Variants in ASL observed in about 807,000 individuals in gnomAD.
The protein encoded by ASL is argininosuccinase.
Under a neutral mutation model 69.1 loss-of-function variants are expected in ASL, and 51 were observed. That is an observed-to-expected ratio of 0.74 (90% CI 0.59 to 0.93). The LOEUF (loss-of-function observed/expected upper bound fraction) is 0.93, where lower values mean the gene tolerates loss of function less well. Among genes scored for constraint, ASL ranks in the 40% least tolerant of loss-of-function variants. The pLI is 0.00. For synonymous variants in ASL, 241 were observed against 247.6 expected (o/e 0.97, Z 0.25); for missense variants, 540 against 623.9 (o/e 0.87, Z 1.43).
At chr7:66,088,740 TG>T (rs1394090810) in intron 10 of ASL, 66 bp from the exon 11 acceptor site, 3 of 1,393,596 alleles carry the variant, frequency 2.2e-6, no homozygotes. Context: ...AACCTCCTCC[TG>T]CCCCCTGTAT....
Position 66,084,142 on chromosome 7 carries a change from TTTG to T in ASL, c.446+980_446+982del, listed in dbSNP as rs1293694295. Among the ~76,000 whole-genome samples the T allele has an allele frequency of 2.6e-5, 4 of 151,802 alleles. No homozygotes were observed. In the East Asian group the frequency reaches 7.7e-4, roughly 29 times the overall value. On this transcript the variant is annotated intron_variant, in intron 6 of 16. Coordinates refer to ENST00000304874, the MANE Select transcript of ASL (RefSeq NM_000048.4). ...ACTGAGTTCAGGGTTTCTTTAATTT[TTTG>T]TTGTTGTTGTTTGTTGTTGTTTTTT...
chr7:66,082,408 C>T lies in ASL; in HGVS notation c.248C>T (p.Ser83Phe). The change falls in exon 4 of 17, where the codon TCC becomes TTC. Residue 83 changes from serine (S) to phenylalanine (F), a missense_variant. Coordinates refer to ENST00000304874, the MANE Select transcript of ASL (RefSeq NM_000048.4). ...EWAQGTFKLN[S>F]NDEDIHTANE... is the part of the protein sequence containing the mutation. ...GCCCAGGGCACCTTCAAACTGAACTCCAATGATGAGGACATCCACACAGCC... is the reference window on the plus strand; with the variant it reads ...GCCCAGGGCACCTTCAAACTGAACTTCAATGATGAGGACATCCACACAGCC... 6.2e-7 allele frequency: 1 copy of T among 1,612,646 alleles called. No individual in the cohort carries two copies. Among genetic ancestry groups the T allele is most frequent in the Non-Finnish European group, 8.5e-7 (1 of 1,179,772 alleles).
chr7:66,078,626 CTT>C (rs1471228269), intron 2 of ASL, among the ~76,000 whole-genome samples: 2 of 151,132 alleles, frequency 1.3e-5, no homozygotes, highest in Non-Finnish European at 2.9e-5. Context: ...TTATCCTTAT[CTT>C]ATTATTATTA....
chr7:66,090,926 C>T (rs1355432714), intron 14 of ASL, among the ~76,000 whole-genome samples: 1 of 151,836 alleles, frequency 6.6e-6, no homozygotes, highest in Non-Finnish European at 1.5e-5. Context: ...GGCGAAACCC[C>T]GTCTTTACTA....
At position 66,086,699 on chromosome 7, in the gene ASL, G is replaced by A. The variant is rs754890447; in HGVS notation, c.524+37G>A. The A allele has an allele frequency of 2.5e-6, 4 of 1,612,508 alleles. No individual in the cohort carries two copies. The South Asian group carries it at 3.3e-5, about 13-fold the overall frequency. On this transcript the variant is annotated intron_variant, in intron 7 of 16. Transcript: ENST00000304874. ...GAGGTGCAGGGGCTGTGCTAGAGGGGAGGACCCCGGCTGCCCTGACCCTCC... is the reference window on the plus strand; with the variant it reads ...GAGGTGCAGGGGCTGTGCTAGAGGGAAGGACCCCGGCTGCCCTGACCCTCC...
chr7:66,086,892 CTGGGAAGTGCAGAG>C, intron 8 of ASL, 71 bp downstream of exon 8: 3 of 1,505,102 alleles, frequency 2.0e-6, no homozygotes, highest in Non-Finnish European at 2.7e-6. Context: ...ATTGACAGAG[CTGGGAAGTGCAGAG>C]TGGGACAGAA....
In ASL at chr7:66,081,991, A is replaced by G; in HGVS notation, c.201A>G (p.Leu67=). ...AGATGGACCAGATACTCCATGGCCT[A>G]GACAAGGTACTTGCCGTGGCCCAAG... ...KAEMDQILHG[L]DKVAEEWAQG... The change falls in exon 3 of 17, where the codon CTA becomes CTG. Residue 67 remains leucine (L), a synonymous_variant. Coordinates refer to ENST00000304874, the MANE Select transcript of ASL (RefSeq NM_000048.4). 6.2e-7 allele frequency: 1 copy of G among 1,607,156 alleles called. No homozygotes were observed. Among genetic ancestry groups the G allele is most frequent in the Non-Finnish European group, 8.5e-7 (1 of 1,177,024 alleles).
chr7:66,091,978 C>CTCACCACT, intron 14 of ASL, 28 bp from the exon 15 acceptor site: 1 of 1,612,258 alleles, frequency 6.2e-7, no homozygotes, highest in Non-Finnish European at 8.5e-7. Context: ...GTCCCCAGGG[C>CTCACCACT]TCACCACTCG....
intron 9 of ASL, 163 bp from the exon 10 acceptor site, chr7:66,087,566 G>T (rs1036536909): frequency 1.0e-6 from 1 of 972,770 alleles, no homozygotes; most frequent in Non-Finnish European, 1.6e-6. Context: ...GCCTGGTACT[G>T]AGAGACTCAG....
chr7:66,082,390 G>A lies in ASL; in HGVS notation c.230G>A (p.Gly77Asp), dbSNP rs762014141. ...CAGGTGGCTGAGGAGTGGGCCCAGG[G>A]CACCTTCAAACTGAACTCCAATGAT... The part of the protein sequence containing the change: ...LDKVAEEWAQ[G>D]TFKLNSNDED... The change falls in exon 4 of 17, where the codon GGC becomes GAC. Residue 77 changes from glycine to aspartate, a missense_variant. Physicochemically the swap from Gly to Asp is moderately conservative, Grantham distance 94 (BLOSUM62 -1). Transcript: ENST00000304874. The A allele has an allele frequency of 1.2e-6, 2 of 1,612,552 alleles. No homozygotes were observed. Among genetic ancestry groups the A allele is most frequent in the South Asian group, 2.2e-5 (2 of 90,566 alleles).
At chr7:66,092,730 G>A in intron 16 of ASL, 38 bp from the exon 17 acceptor site, 2 of 1,613,704 alleles carry the variant, frequency 1.2e-6, no homozygotes, top group Non-Finnish European at 1.7e-6. Flanking sequence ...AGCCCAGGGT[G>A]GCCTGGCGCC....
At chr7:66,082,228 C>T in intron 3 of ASL, 140 bp from the exon 4 acceptor site, 2 of 1,078,164 alleles carry the variant, frequency 1.9e-6, no homozygotes, top group Non-Finnish European at 2.8e-6. Context: ...CTGAGATGCC[C>T]CCTCCCAGGG....
intron 2 of ASL, among the ~76,000 whole-genome samples, chr7:66,080,820 T>C (rs542517032): frequency 6.6e-6 from 1 of 152,254 alleles, no homozygotes; most frequent in East Asian, 1.9e-4. Context: ...AGAAGGCCAG[T>C]GACAATGGGG....
rs375586912 is a variant in ASL at position 66,088,859 on chromosome 7, C to T, written c.771C>T (p.Ala257=). The T allele has an allele frequency of 6.8e-6, 11 of 1,613,962 alleles. No individual in the cohort carries two copies. The highest frequency in any genetic ancestry group is 2.2e-5 in the South Asian group (2 of 91,042). ...SLCMTHLSRM[A]EDLILYCTKE... Reference sequence around the variant, plus strand: ...GCATGACCCATCTCAGCAGGATGGCCGAGGACCTCATCCTCTACTGCACCA... The same window carrying T: ...GCATGACCCATCTCAGCAGGATGGCTGAGGACCTCATCCTCTACTGCACCA... Residue 257 remains alanine, a synonymous_variant, in exon 11 of 17, where the codon GCC becomes GCT. Transcript: ENST00000304874.
intron 7 of ASL, 39 bp downstream of exon 7, chr7:66,086,701 G>A: frequency 1.1e-5 from 17 of 1,612,464 alleles, no homozygotes; most frequent in Non-Finnish European, 1.4e-5. Context: ...CTAGAGGGGA[G>A]GACCCCGGCT....
At chr7:66,091,659 C>A in intron 14 of ASL, 2 of 321,062 alleles carry the variant, frequency 6.2e-6, no homozygotes, top group Non-Finnish European at 1.2e-5. Context: ...GTCCAGGCTG[C>A]AGAGGGCTAT....
At position 66,089,339 on chromosome 7, in the gene ASL, C is replaced by T. The variant is rs1270176639; in HGVS notation, c.978+4C>T. On this transcript the variant is annotated splice_donor_region_variant and intron_variant, in intron 13 of 16. Coordinates refer to ENST00000304874, the MANE Select transcript of ASL (RefSeq NM_000048.4). ...CACCTACAACAAAGACTTACAGGTG[C>T]GAGGCCGGGGGAGGCCTGGCTAGTA... 1.2e-6 allele frequency: 2 copies of T among 1,601,800 alleles called. No individual in the cohort carries two copies. Among genetic ancestry groups the T allele is most frequent in the Middle Eastern group, 1.7e-4 (1 of 6,000 alleles).
intron 2 of ASL, among the ~76,000 whole-genome samples, chr7:66,077,740 A>G (rs1345986533): frequency 6.6e-6 from 1 of 152,156 alleles, no homozygotes; most frequent in Non-Finnish European, 1.5e-5. Flanking sequence ...AAAAAAGAAA[A>G]AAAACCCACA....
intron 9 of ASL, 169 bp from the exon 10 acceptor site, chr7:66,087,560 G>T: frequency 1.0e-6 from 1 of 974,912 alleles, no homozygotes; most frequent in Non-Finnish European, 1.6e-6. Flanking sequence ...AGGGATGCCT[G>T]GTACTGAGAG....
Sources: allele counts gnomAD v4.1 joint callset (sites outside exome capture counted in the v4.1 genomes callset), GRCh38; gene constraint gnomAD v4.1.1; transcripts MANE v1.5; gene names NCBI Gene and HGNC (gene_info 2026-07-23, HGNC 2026-07-21).